HS3ST5: variants seen among roughly 807,000 people sequenced by gnomAD.
HS3ST5 encodes the protein heparan sulfate-glucosamine 3-sulfotransferase 5.
In HS3ST5, 10 loss-of-function variants were observed where a neutral mutation model predicts 25.4. The observed-to-expected ratio is 0.39, with a 90% CI of 0.24 to 0.67. The LOEUF (loss-of-function observed/expected upper bound fraction) is 0.67, where lower values mean the gene tolerates loss of function less well. Among genes scored for constraint, HS3ST5 ranks in the 30% least tolerant of loss-of-function variants. The pLI is 0.44. For missense variants in HS3ST5, 324 were observed against 420.7 expected (o/e 0.77, Z 2.01); for synonymous variants, 170 against 162.4 (o/e 1.05, Z -0.36).
intron 1 of HS3ST5, among the ~76,000 whole-genome samples, chr6:114,327,394 C>T (rs1223172991): frequency 6.6e-6 from 1 of 152,152 alleles, no homozygotes; most frequent in Non-Finnish European, 1.5e-5. Context: ...GGCAGATCTG[C>T]TGAACAGTTT....
intron 1 of HS3ST5, among the ~76,000 whole-genome samples, chr6:114,280,338 G>T (rs1304555852): frequency 6.6e-6 from 1 of 151,948 alleles, no homozygotes; most frequent in Non-Finnish European, 1.5e-5. Flanking sequence ...AGATTTAACA[G>T]GGGCCTAGTG....
chr6:114,303,473 T>C (rs554759253), intron 1 of HS3ST5, among the ~76,000 whole-genome samples: 29 of 150,102 alleles, frequency 1.9e-4, no homozygotes, highest in Non-Finnish European at 3.4e-4. Flanking sequence ...TTTTTTTTTT[T>C]CTGGGCAGAG....
intron 1 of HS3ST5, among the ~76,000 whole-genome samples, chr6:114,264,451 T>C (rs1265992835): frequency 1.3e-5 from 2 of 152,200 alleles, no homozygotes; most frequent in African/African-American, 4.8e-5. Context: ...TCTTCAACAT[T>C]CCTCATTATA....
chr6:114,168,428 T>C lies in HS3ST5; in HGVS notation c.-110A>G, dbSNP rs923907194. 2 of 152,226 alleles carry C rather than the reference T, an allele frequency of 1.3e-5. No individual in the cohort carries two copies. Among genetic ancestry groups the C allele is most frequent in the Non-Finnish European group, 2.9e-5 (2 of 68,044 alleles). The allele number at this position is 152,226 out of a possible 1,614,324, so 9.4% of individuals were successfully genotyped here. ...TATTCCATGGCCTCTCCTCACCTAC[T>C]GGCTGTCCTTTTGGTTTATCCCTTG... On this transcript the variant is annotated 5_prime_UTR_variant, in exon 3 of 5. Coordinates refer to ENST00000312719, the MANE Select transcript of HS3ST5 (RefSeq NM_153612.4).
chr6:114,259,023 A>G (rs1773053943), intron 1 of HS3ST5, among the ~76,000 whole-genome samples: 1 of 152,216 alleles, frequency 6.6e-6, no homozygotes, highest in Admixed American at 6.5e-5. Context: ...TCCTTGTATA[A>G]GACATGCATG....
intron 2 of HS3ST5, among the ~76,000 whole-genome samples, chr6:114,175,379 C>T (rs1779677772): frequency 6.6e-6 from 1 of 152,132 alleles, no homozygotes; most frequent in African/African-American, 2.4e-5. Context: ...AATGAAGCAG[C>T]TGTAGATAAC....
chr6:114,131,287 T>C (rs1267501232), intron 3 of HS3ST5: 13 of 152,154 alleles, frequency 8.5e-5, no homozygotes, highest in Admixed American at 5.2e-4. Context: ...TTTAAGTAGA[T>C]CATATTTCAG....
chr6:114,263,032 CTTTA>C (rs1773246608), intron 1 of HS3ST5, among the ~76,000 whole-genome samples: 1 of 151,882 alleles, frequency 6.6e-6, no homozygotes, highest in Non-Finnish European at 1.5e-5. Context: ...CCCTTAAGTT[CTTTA>C]TTTAAGTTTG....
chr6:114,297,625 C>T (rs1409175391), intron 1 of HS3ST5, among the ~76,000 whole-genome samples: 1 of 152,160 alleles, frequency 6.6e-6, no homozygotes, highest in African/African-American at 2.4e-5. Flanking sequence ...TGTATGATCC[C>T]TTTGGAATCT....
intron 3 of HS3ST5, among the ~76,000 whole-genome samples, chr6:114,094,825 A>G (rs1333821531): frequency 3.3e-5 from 5 of 152,060 alleles, no homozygotes; most frequent in Non-Finnish European, 5.9e-5. Flanking sequence ...ATGCAATGTC[A>G]CCGTTGTGAT....
At chr6:114,069,684 AT>A (rs958345404) in intron 3 of HS3ST5, among the ~76,000 whole-genome samples, 115 of 149,370 alleles carry the variant, frequency 7.7e-4, no homozygotes, top group African/African-American at 2.6e-3. Context: ...TGCCCAGTTA[AT>A]TTTTTTTTTG....
At chr6:114,273,837 G>C (rs1412324293) in intron 1 of HS3ST5, among the ~76,000 whole-genome samples, 2 of 152,120 alleles carry the variant, frequency 1.3e-5, no homozygotes, top group East Asian at 1.9e-4. Flanking sequence ...CAAGAGAGGG[G>C]AGAAGAGGCA....
intron 1 of HS3ST5, among the ~76,000 whole-genome samples, chr6:114,283,502 A>AT (rs1289643894): frequency 7.9e-5 from 12 of 151,936 alleles, no homozygotes; most frequent in Non-Finnish European, 1.5e-4. Flanking sequence ...TGCTATTATT[A>AT]TTTTTTCATG....
At chr6:114,208,688 T>C (rs527326183) in intron 2 of HS3ST5, among the ~76,000 whole-genome samples, 1 of 152,300 alleles carries the variant, frequency 6.6e-6, no homozygotes, top group East Asian at 1.9e-4. Context: ...GGTATTGCAT[T>C]GTAGGAAAGA....
At chr6:114,075,361 C>T (rs2114745354) in intron 3 of HS3ST5, among the ~76,000 whole-genome samples, 1 of 152,298 alleles carries the variant, frequency 6.6e-6, no homozygotes, top group South Asian at 2.1e-4. Context: ...AGAGTCCTTG[C>T]CTCCTGCCCA....
chr6:114,265,796 C>A (rs1259380855), intron 1 of HS3ST5, among the ~76,000 whole-genome samples: 1 of 152,132 alleles, frequency 6.6e-6, no homozygotes, highest in Non-Finnish European at 1.5e-5. Flanking sequence ...TCTTTTCTGT[C>A]CTTTCTGAAT....
intron 2 of HS3ST5, among the ~76,000 whole-genome samples, chr6:114,195,968 C>T (rs1780727912): frequency 6.6e-6 from 1 of 152,156 alleles, no homozygotes; most frequent in Non-Finnish European, 1.5e-5. Flanking sequence ...CCTGTATGCA[C>T]ACTAGGAGAA....
chr6:114,137,308 A>G (rs190668112), intron 3 of HS3ST5, among the ~76,000 whole-genome samples: 6 of 152,354 alleles, frequency 3.9e-5, no homozygotes, highest in Non-Finnish European at 8.8e-5. Context: ...ACTAGAAAGC[A>G]TAATTCTCCT....
intron 2 of HS3ST5, among the ~76,000 whole-genome samples, chr6:114,211,869 A>G (rs1183282525): frequency 1.3e-5 from 2 of 152,262 alleles, no homozygotes; most frequent in Non-Finnish European, 2.9e-5. Context: ...GCTAATGCCT[A>G]AAACATAATG....
Sources: allele counts gnomAD v4.1 joint callset (sites outside exome capture counted in the v4.1 genomes callset), GRCh38; gene constraint gnomAD v4.1.1; transcripts MANE v1.5; gene names NCBI Gene and HGNC (gene_info 2026-07-23, HGNC 2026-07-21).